CC2D2A: variants seen among roughly 807,000 people sequenced by gnomAD.
CC2D2A encodes the protein coiled-coil and C2 domain-containing protein 2A.
In CC2D2A, 155 loss-of-function variants were observed where a neutral mutation model predicts 212.9. The observed-to-expected ratio is 0.73, with a 90% CI of 0.64 to 0.83. CC2D2A has a LOEUF of 0.83. Ranked by LOEUF, CC2D2A falls within the 40% of genes least tolerant of loss-of-function variation. CC2D2A has a pLI of 0.00. For missense variants in CC2D2A, 1,856 were observed against 1,956.2 expected (o/e 0.95, Z 0.97); for synonymous variants, 667 against 686.5 (o/e 0.97, Z 0.44).
intron 4 of CC2D2A, among the ~76,000 whole-genome samples, chr4:15,495,076 C>T (rs140165351): frequency 1.4e-3 from 216 of 152,252 alleles, no homozygotes; most frequent in African/African-American, 4.9e-3. Context: ...TGCCTCCCAC[C>T]CTCCACCCTC....
intron 4 of CC2D2A, among the ~76,000 whole-genome samples, chr4:15,498,215 C>G (rs936540389): frequency 3.3e-5 from 5 of 152,144 alleles, no homozygotes; most frequent in Non-Finnish European, 7.3e-5. Flanking sequence ...TGCTGAACAT[C>G]TAATCTCTTG....
Position 15,599,606 on chromosome 4 carries a change from C to G in CC2D2A, c.4574C>G (p.Ser1525Cys). 1 of 1,613,166 alleles carries G rather than the reference C, an allele frequency of 6.2e-7. No homozygotes were observed. Among genetic ancestry groups the G allele is most frequent in the South Asian group, 1.1e-5 (1 of 90,998 alleles). The change falls in exon 36 of 37, where the codon TCT (serine) becomes TGT (cysteine). Residue 1525 changes from serine (S) to cysteine (C), a missense_variant. Coordinates refer to ENST00000424120, the MANE Select transcript of CC2D2A (RefSeq NM_001378615.1). ...ACTCGGTGGAATAGGTATTGTACCT[C>G]TACTCTGCGTCACTTCTTGCCTCTG... ...HLTRWNRYCT[S>C]TLRHFLPLLE...
intron 17 of CC2D2A, among the ~76,000 whole-genome samples, chr4:15,541,601 G>A (rs530837210): frequency 2.7e-4 from 41 of 152,032 alleles, no homozygotes; most frequent in African/African-American, 9.6e-4. Flanking sequence ...TGGGGCACAG[G>A]GAGATCTCCA....
intron 31 of CC2D2A, among the ~76,000 whole-genome samples, chr4:15,586,818 C>T (rs1720872213): frequency 6.6e-6 from 1 of 152,186 alleles, no homozygotes; most frequent in African/African-American, 2.4e-5. Flanking sequence ...TTCTGGATCT[C>T]ATGTTGTACT....
chr4:15,537,787 T>C (rs1718211034), intron 15 of CC2D2A, 112 bp from the exon 16 acceptor site: 1 of 1,133,428 alleles, frequency 8.8e-7, no homozygotes, highest in African/African-American at 1.5e-5. Context: ...TACACACTTC[T>C]GGTTGAAATG....
chr4:15,510,062 G>A (rs1560156934), intron 6 of CC2D2A, 77 bp from the exon 7 acceptor site: 1 of 1,054,470 alleles, frequency 9.5e-7, no homozygotes, highest in East Asian at 2.4e-5. Flanking sequence ...TGGGATGGGG[G>A]GGTTAACCTT....
At chr4:15,578,075 C>T (rs1302410930) in intron 29 of CC2D2A, among the ~76,000 whole-genome samples, 1 of 152,152 alleles carries the variant, frequency 6.6e-6, no homozygotes, top group African/African-American at 2.4e-5. Flanking sequence ...CTGGACTGAC[C>T]ATTCTACATT....
intron 14 of CC2D2A, among the ~76,000 whole-genome samples, chr4:15,534,831 G>A (rs545675065): frequency 3.9e-5 from 6 of 151,952 alleles, no homozygotes; most frequent in East Asian, 1.9e-4. Context: ...CCCTGTTGTC[G>A]TTGTATATCT....
chr4:15,508,560 T>C (rs1264028672), intron 6 of CC2D2A, among the ~76,000 whole-genome samples: 1 of 152,218 alleles, frequency 6.6e-6, no homozygotes, highest in Non-Finnish European at 1.5e-5. Flanking sequence ...AGTGGTACAG[T>C]TAAAATTCAA....
Position 15,516,018 on chromosome 4 carries a change from C to T in CC2D2A, c.1017+14C>T, listed in dbSNP as rs748499976. ...ATGCAGGACCCCGTAAGTGTGCACCCTCTGCTCTCAGGTGTAGCCTGGGCA... is the reference window on the plus strand; with the variant it reads ...ATGCAGGACCCCGTAAGTGTGCACCTTCTGCTCTCAGGTGTAGCCTGGGCA... On this transcript the variant is annotated intron_variant, in intron 10 of 36. Coordinates refer to ENST00000424120, the MANE Select transcript of CC2D2A (RefSeq NM_001378615.1). 5 of 1,580,966 alleles carry T rather than the reference C, an allele frequency of 3.2e-6. No homozygotes were observed. The South Asian group carries it at 3.5e-5, about 11-fold the overall frequency.
At position 15,592,391 on chromosome 4, in the gene CC2D2A, C is replaced by G. The variant is rs983948180; in HGVS notation, c.4314+2712C>G. Among the ~76,000 whole-genome samples the G allele has an allele frequency of 6.6e-4, 100 of 152,218 alleles. 7 individuals carry two copies. Among genetic ancestry groups the G allele is most frequent in the Admixed American group, 7.9e-4 (12 of 15,280 alleles). On this transcript the variant is annotated intron_variant, in intron 33 of 36. Transcript: ENST00000424120. ...CACTCAGACCTTAACCTACTGTAAT[C>G]TAGCTCTTCCTTCCTGACCATACTG... is the stretch of plus-strand genomic sequence containing the variant.
intron 11 of CC2D2A, among the ~76,000 whole-genome samples, chr4:15,522,584 A>G (rs544525053): frequency 6.6e-6 from 1 of 152,126 alleles, no homozygotes; most frequent in African/African-American, 2.4e-5. Context: ...TATTGTCTCA[A>G]TATTAGGATG....
At chr4:15,567,894 G>A (rs1463958204) in intron 26 of CC2D2A, 108 bp downstream of exon 26, 4 of 736,680 alleles carry the variant, frequency 5.4e-6, no homozygotes, top group Non-Finnish European at 8.8e-6. Context: ...CTAGTGAGCG[G>A]CAACAAGATC....
At chr4:15,556,753 G>A (rs1719299694) in intron 20 of CC2D2A, among the ~76,000 whole-genome samples, 1 of 152,166 alleles carries the variant, frequency 6.6e-6, no homozygotes, top group South Asian at 2.1e-4. Flanking sequence ...TGGCCTTCTT[G>A]AGACAATGCA....
intron 22 of CC2D2A, among the ~76,000 whole-genome samples, chr4:15,560,302 A>G (rs1394446062): frequency 6.6e-6 from 1 of 152,142 alleles, no homozygotes; most frequent in Non-Finnish European, 1.5e-5. Flanking sequence ...GAACTCCAAT[A>G]TTGCAGTAAG....
intron 4 of CC2D2A, among the ~76,000 whole-genome samples, chr4:15,483,288 G>A (rs1383165574): frequency 2.0e-5 from 3 of 152,212 alleles, no homozygotes; most frequent in African/African-American, 4.8e-5. Context: ...AGCAAGGGAG[G>A]TGACAGAAGA....
At chr4:15,524,855 T>TA (rs968862447) in intron 11 of CC2D2A, among the ~76,000 whole-genome samples, 4 of 152,194 alleles carry the variant, frequency 2.6e-5, no homozygotes, top group Non-Finnish European at 5.9e-5. Context: ...AGTTGAAGAC[T>TA]AAAAAATCAA....
intron 2 of CC2D2A, among the ~76,000 whole-genome samples, chr4:15,478,018 C>T (rs983817599): frequency 6.6e-6 from 1 of 152,132 alleles, no homozygotes; most frequent in African/African-American, 2.4e-5. Flanking sequence ...TATCTTGCAA[C>T]TTTTTGTTCA....
chr4:15,560,325 AC>A (rs1719512555), intron 22 of CC2D2A, among the ~76,000 whole-genome samples: 1 of 152,010 alleles, frequency 6.6e-6, no homozygotes, highest in South Asian at 2.1e-4. Context: ...AAACAGGAAA[AC>A]CCCTGACTTT....
Sources: gnomAD v4.1 joint callset for allele counts (sites outside exome capture counted in the v4.1 genomes callset) on GRCh38, gnomAD v4.1.1 for gene constraint, MANE v1.5 for transcripts, NCBI Gene and HGNC (gene_info 2026-07-23, HGNC 2026-07-21) for gene names.